COL22A1: variants seen among roughly 807,000 people sequenced by gnomAD.
COL22A1 encodes collagen alpha-1(XXII) chain.
A neutral mutation model predicts 248.9 loss-of-function variants in COL22A1; 221 were observed. The observed-to-expected ratio is 0.89, with a 90% CI of 0.80 to 0.99. The LOEUF is 0.99. Ranked by LOEUF, COL22A1 falls within the 50% of genes least tolerant of loss-of-function variation. COL22A1 has a pLI of 0.00. For synonymous variants in COL22A1, 891 were observed against 793.4 expected, an observed-to-expected ratio of 1.12 and a Z score of -2.07; for missense variants, 2,240 against 2,179.0, an observed-to-expected ratio of 1.03 and a Z score of -0.56.
At chr8:138,909,453 G>A (rs1815282247) in intron 1 of COL22A1, among the ~76,000 whole-genome samples, 2 of 151,606 alleles carry the variant, frequency 1.3e-5, no homozygotes, top group Non-Finnish European at 2.9e-5. Context: ...CGGGGCAGGC[G>A]AGGCCAGCTC....
intron 1 of COL22A1, among the ~76,000 whole-genome samples, chr8:138,889,565 G>A (rs914604691): frequency 3.9e-5 from 6 of 152,252 alleles, no homozygotes; most frequent in South Asian, 4.2e-4. Context: ...GACTGTTGTG[G>A]GGTGGGGGGA....
At chr8:138,749,271 C>T (rs1325146041) in intron 22 of COL22A1, among the ~76,000 whole-genome samples, 3 of 152,138 alleles carry the variant, frequency 2.0e-5, no homozygotes, top group Non-Finnish European at 2.9e-5. Context: ...TGAACTAATA[C>T]AGAAGGTATG....
At chr8:138,910,721 G>T (rs1248065031) in intron 1 of COL22A1, among the ~76,000 whole-genome samples, 3 of 152,100 alleles carry the variant, frequency 2.0e-5, no homozygotes, top group East Asian at 1.9e-4. Flanking sequence ...TCTTTGGAAG[G>T]CCCGCATCAT....
chr8:138,823,110 A>T (rs1192168355), intron 6 of COL22A1, among the ~76,000 whole-genome samples: 2 of 152,228 alleles, frequency 1.3e-5, no homozygotes, highest in African/African-American at 4.8e-5. Context: ...TGGGTAAGTT[A>T]TTTAACCTTT....
intron 30 of COL22A1, 95 bp downstream of exon 30, chr8:138,715,587 A>AGATAG: frequency 1.3e-6 from 1 of 791,000 alleles, no homozygotes; most frequent in Non-Finnish European, 1.9e-6. Context: ...AAAAAAAAAA[A>AGATAG]AAAAAGATAG....
chr8:138,613,738 C>A, intron 56 of COL22A1, 129 bp downstream of exon 56: 1 of 901,418 alleles, frequency 1.1e-6, no homozygotes, highest in South Asian at 1.3e-5. Flanking sequence ...CAGCTATTTA[C>A]CAACTGCTAA....
At chr8:138,815,828 G>A (rs958732193) in intron 7 of COL22A1, among the ~76,000 whole-genome samples, 13 of 152,074 alleles carry the variant, frequency 8.5e-5, no homozygotes, top group Admixed American at 7.2e-4. Context: ...AGGGGGGAAC[G>A]CTTATTGCAT....
chr8:138,716,703 T>C (rs1487720547), intron 28 of COL22A1, 122 bp downstream of exon 28: 3 of 732,570 alleles, frequency 4.1e-6, no homozygotes, highest in African/African-American at 3.5e-5. Context: ...ATCCTGGACA[T>C]ATAGTGAGCT....
chr8:138,689,976 T>G (rs375407563), intron 36 of COL22A1, among the ~76,000 whole-genome samples: 291 of 152,280 alleles, frequency 1.9e-3, no homozygotes, highest in African/African-American at 6.8e-3. Context: ...GCAGGAAGCC[T>G]CCATGTAAAA....
At chr8:138,595,069 G>A (rs1294737474) in intron 62 of COL22A1, among the ~76,000 whole-genome samples, 1 of 152,074 alleles carries the variant, frequency 6.6e-6, no homozygotes, top group Non-Finnish European at 1.5e-5. Flanking sequence ...GACCCAAACT[G>A]CTATTTTGCA....
intron 3 of COL22A1, among the ~76,000 whole-genome samples, chr8:138,861,808 A>G (rs1283769075): frequency 6.6e-6 from 1 of 152,190 alleles, no homozygotes; most frequent in Non-Finnish European, 1.5e-5. Context: ...CAATGGGTGG[A>G]AGGGGATGTA....
At chr8:138,913,455 T>C (rs1306203376) in intron 1 of COL22A1, among the ~76,000 whole-genome samples, 164 bp downstream of exon 1, 1 of 152,162 alleles carries the variant, frequency 6.6e-6, no homozygotes, top group South Asian at 2.1e-4. Context: ...AAGAGCGAAG[T>C]GTGCTCAGGC....
intron 22 of COL22A1, among the ~76,000 whole-genome samples, chr8:138,748,217 C>G (rs1832289022): frequency 6.6e-6 from 1 of 152,208 alleles, no homozygotes; most frequent in African/African-American, 2.4e-5. Context: ...CTCCCTCAAG[C>G]TGAGATCTCC....
chr8:138,711,215 C>T (rs1387613683), intron 30 of COL22A1, among the ~76,000 whole-genome samples: 1 of 152,188 alleles, frequency 6.6e-6, no homozygotes, highest in Non-Finnish European at 1.5e-5. Context: ...CTTGCTGGAA[C>T]AGGAGCATCA....
chr8:138,751,755 G>A (rs145008324), intron 21 of COL22A1, among the ~76,000 whole-genome samples: 3 of 152,322 alleles, frequency 2.0e-5, no homozygotes, highest in Non-Finnish European at 4.4e-5. Context: ...ACTTTATACT[G>A]AGTACTGTAA....
At chr8:138,828,151 T>G (rs1176591615) in intron 5 of COL22A1, 1 of 151,972 alleles carries the variant, frequency 6.6e-6, no homozygotes, top group East Asian at 1.9e-4. Context: ...TTCATAAAAG[T>G]TGAAGGAATG....
intron 41 of COL22A1, among the ~76,000 whole-genome samples, chr8:138,674,641 T>C (rs1239133062): frequency 6.6e-6 from 1 of 152,074 alleles, no homozygotes; most frequent in Non-Finnish European, 1.5e-5. Context: ...GTGGGGTGAA[T>C]TGTGTCCGCC....
intron 25 of COL22A1, among the ~76,000 whole-genome samples, chr8:138,723,658 T>A (rs999804281): frequency 1.3e-5 from 2 of 152,148 alleles, no homozygotes; most frequent in Non-Finnish European, 2.9e-5. Flanking sequence ...TGACTGTGTG[T>A]TTAGAAACGT....
intron 5 of COL22A1, among the ~76,000 whole-genome samples, 164 bp from the exon 6 acceptor site, chr8:138,826,945 C>CA (rs1479256392): frequency 3.3e-5 from 5 of 152,154 alleles, no homozygotes; most frequent in Admixed American, 3.3e-4. Context: ...CTCCTTAGGT[C>CA]AGGGCCTCAA....
Sources: allele counts gnomAD v4.1 joint callset (sites outside exome capture counted in the v4.1 genomes callset), GRCh38; gene constraint gnomAD v4.1.1; transcripts MANE v1.5; gene names NCBI Gene and HGNC (gene_info 2026-07-23, HGNC 2026-07-21).